The following SULF1 variants were observed in gnomAD, a reference collection of about 807,000 sequenced individuals.
SULF1 encodes extracellular sulfatase Sulf-1.
A neutral mutation model predicts 110.5 loss-of-function variants in SULF1; 46 were observed. The observed-to-expected ratio is 0.42, with a 90% CI of 0.33 to 0.53. The LOEUF is 0.53. SULF1 is among the 20% of genes least tolerant of loss of function. The probability of loss-of-function intolerance (pLI) is 0.12; values close to 1 mark genes in which losing one functional copy is unlikely to be tolerated. For missense variants in SULF1, 941 were observed against 1,094.2 expected, an observed-to-expected ratio of 0.86 and a Z score of 1.98; for synonymous variants, 371 against 387.1, an observed-to-expected ratio of 0.96 and a Z score of 0.49.
chr8:69,508,239 G>A (rs759157756), intron 3 of SULF1, among the ~76,000 whole-genome samples: 6 of 152,146 alleles, frequency 3.9e-5, no homozygotes, highest in Non-Finnish European at 7.4e-5. Context: ...CCGAATAGCT[G>A]GGATTATAGG....
At chr8:69,647,686 C>T (rs1032639598) in intron 22 of SULF1, among the ~76,000 whole-genome samples, 2 of 151,700 alleles carry the variant, frequency 1.3e-5, no homozygotes, top group South Asian at 2.1e-4. Context: ...CAGATCACCT[C>T]GTTCGAGACC....
chr8:69,553,173 A>T (rs1446033216), intron 3 of SULF1, among the ~76,000 whole-genome samples: 1 of 152,230 alleles, frequency 6.6e-6, no homozygotes, highest in African/African-American at 2.4e-5. Context: ...CCATATTCCA[A>T]GGAGAAAAAG....
chr8:69,471,918 A>G (rs1809102048), intron 1 of SULF1, among the ~76,000 whole-genome samples: 1 of 152,148 alleles, frequency 6.6e-6, no homozygotes, highest in African/African-American at 2.4e-5. Flanking sequence ...TGTATCTATG[A>G]TGTGCCTTCC....
intron 19 of SULF1, among the ~76,000 whole-genome samples, chr8:69,634,019 T>C (rs1361583424): frequency 6.6e-6 from 1 of 152,226 alleles, no homozygotes; most frequent in East Asian, 1.9e-4. Context: ...AGATAAATGT[T>C]CACATATAAA....
intron 13 of SULF1, among the ~76,000 whole-genome samples, chr8:69,607,796 A>G: frequency 6.6e-6 from 1 of 152,216 alleles, no homozygotes; most frequent in East Asian, 1.9e-4. Flanking sequence ...CAGAATAATG[A>G]CACTGAATTG....
At chr8:69,555,083 T>C (rs564443121) in intron 3 of SULF1, among the ~76,000 whole-genome samples, 4 of 151,640 alleles carry the variant, frequency 2.6e-5, no homozygotes, top group African/African-American at 9.7e-5. Context: ...TTGGCTTTAA[T>C]AGGATATTTG....
At chr8:69,512,624 G>A (rs1023794410) in intron 3 of SULF1, among the ~76,000 whole-genome samples, 6 of 152,146 alleles carry the variant, frequency 3.9e-5, no homozygotes, top group Admixed American at 6.6e-5. Context: ...TGTGCAGAAC[G>A]TCAAGCCTAG....
At chr8:69,538,034 C>A (rs1249316479) in intron 3 of SULF1, among the ~76,000 whole-genome samples, 4 of 151,246 alleles carry the variant, frequency 2.6e-5, no homozygotes, top group Non-Finnish European at 4.4e-5. Flanking sequence ...CATCTCGGCT[C>A]ACTGCAGGCT....
chr8:69,611,632 G>A (rs1808665108), intron 13 of SULF1, among the ~76,000 whole-genome samples: 1 of 152,200 alleles, frequency 6.6e-6, no homozygotes, highest in East Asian at 1.9e-4. Flanking sequence ...TCCACATGCA[G>A]GTAACTTTTT....
chr8:69,627,451 C>T (rs761605762), intron 16 of SULF1, 145 bp downstream of exon 16: 3 of 645,592 alleles, frequency 4.6e-6, no homozygotes, highest in Non-Finnish European at 8.1e-6. Flanking sequence ...ATTTGTCTTT[C>T]TCCAGTGATT....
Position 69,587,650 on chromosome 8 carries a change from G to A in SULF1, c.564+1142G>A, listed in dbSNP as rs1806569845. 2.6e-5 allele frequency among the ~76,000 whole-genome samples: 4 copies of A among 152,164 alleles called. No individual in the cohort carries two copies. In the South Asian group the frequency reaches 8.3e-4, roughly 32 times the overall value. On this transcript the variant is annotated intron_variant, in intron 7 of 22. Transcript: ENST00000402687. ...ATCCTAGGTCATATCCCCAGCTGTG[G>A]ATACAATCATTGCAAGCAAATGGTG...
intron 17 of SULF1, 108 bp downstream of exon 17, chr8:69,627,974 T>G: frequency 1.1e-6 from 1 of 936,146 alleles, no homozygotes; most frequent in East Asian, 2.4e-5. Flanking sequence ...TGTATTGTCA[T>G]AGAGTACGAT....
At chr8:69,469,091 T>C (rs1052859465) in intron 1 of SULF1, among the ~76,000 whole-genome samples, 5 of 152,208 alleles carry the variant, frequency 3.3e-5, no homozygotes, top group Non-Finnish European at 7.3e-5. Context: ...TAATGTGAAG[T>C]TACTTCGTGA....
intron 6 of SULF1, among the ~76,000 whole-genome samples, chr8:69,577,794 G>T (rs1158703217): frequency 1.3e-5 from 2 of 152,170 alleles, no homozygotes; most frequent in African/African-American, 4.8e-5. Flanking sequence ...ACTCAGAAAG[G>T]CTAATTGTCT....
At chr8:69,564,431 G>A (rs1401829645) in intron 5 of SULF1, among the ~76,000 whole-genome samples, 1 of 152,170 alleles carries the variant, frequency 6.6e-6, no homozygotes, top group Non-Finnish European at 1.5e-5. Flanking sequence ...AGGATTGAAA[G>A]CCCTCAGTTA....
At chr8:69,572,906 C>A (rs765927645) in intron 5 of SULF1, among the ~76,000 whole-genome samples, 6 of 152,218 alleles carry the variant, frequency 3.9e-5, no homozygotes, top group Non-Finnish European at 8.8e-5. Flanking sequence ...TGGCTCACTG[C>A]AACCTCTGCC....
chr8:69,616,063 T>C (rs1809076948), intron 13 of SULF1, among the ~76,000 whole-genome samples: 1 of 149,864 alleles, frequency 6.7e-6, no homozygotes, highest in Non-Finnish European at 1.5e-5. Flanking sequence ...TACACACACA[T>C]ATATATGTGT....
intron 22 of SULF1, among the ~76,000 whole-genome samples, chr8:69,650,809 C>T (rs1812279509): frequency 6.6e-6 from 1 of 152,110 alleles, no homozygotes; most frequent in Non-Finnish European, 1.5e-5. Flanking sequence ...TTTTTGACCA[C>T]CTCGTTGCTT....
intron 3 of SULF1, among the ~76,000 whole-genome samples, chr8:69,505,712 T>C (rs999947719): frequency 2.6e-5 from 4 of 152,144 alleles, no homozygotes; most frequent in Non-Finnish European, 2.9e-5. Context: ...AATGATAATT[T>C]GTCTTGCTGC....
Sources: gnomAD v4.1 joint callset for allele counts (sites outside exome capture counted in the v4.1 genomes callset) on GRCh38, gnomAD v4.1.1 for gene constraint, MANE v1.5 for transcripts, NCBI Gene and HGNC (gene_info 2026-07-23, HGNC 2026-07-21) for gene names.